Variants in SNTG1 observed in about 807,000 individuals in gnomAD.
The protein encoded by SNTG1 is syntrophin gamma 1, also known as gamma-1-syntrophin.
SNTG1 carries 39 observed loss-of-function variants against 74.7 expected under a neutral mutation model. That is an observed-to-expected ratio of 0.52 (90% confidence interval 0.40 to 0.68). The LOEUF (loss-of-function observed/expected upper bound fraction) is 0.68, where lower values mean the gene tolerates loss of function less well. Among genes scored for constraint, SNTG1 ranks in the 30% least tolerant of loss-of-function variants. SNTG1 has a pLI of 0.00. For missense variants in SNTG1, 685 were observed against 609.5 expected (o/e 1.12, Z -1.30); for synonymous variants, 254 against 217.1 (o/e 1.17, Z -1.49).
intron 2 of SNTG1, among the ~76,000 whole-genome samples, chr8:50,186,310 T>C (rs573205747): frequency 6.0e-4 from 91 of 152,298 alleles, no homozygotes; most frequent in African/African-American, 1.9e-3. Context: ...GCAGTAAATA[T>C]ATGTGTGCAT....
At chr8:50,571,744 A>G (rs1161595780) in intron 12 of SNTG1, among the ~76,000 whole-genome samples, 1 of 152,226 alleles carries the variant, frequency 6.6e-6, no homozygotes, top group Non-Finnish European at 1.5e-5. Context: ...AGTACTGAAT[A>G]TTCCCTAGGT....
chr8:50,403,509 C>T (rs1264718358), intron 4 of SNTG1, among the ~76,000 whole-genome samples: 1 of 152,108 alleles, frequency 6.6e-6, no homozygotes, highest in East Asian at 1.9e-4. Context: ...ATATAACCCT[C>T]TAGAATAAAT....
intron 18 of SNTG1, among the ~76,000 whole-genome samples, chr8:50,765,459 G>T (rs1009368485): frequency 1.3e-5 from 2 of 151,798 alleles, no homozygotes; most frequent in Non-Finnish European, 2.9e-5. Context: ...GTGTTGTGAG[G>T]GTCCTGGGGT....
intron 13 of SNTG1, among the ~76,000 whole-genome samples, chr8:50,640,081 A>G (rs183709069): frequency 1.3e-5 from 2 of 152,318 alleles, no homozygotes; most frequent in East Asian, 3.9e-4. Flanking sequence ...GCATTGCAAA[A>G]GAAAACTTAA....
chr8:50,064,969 C>T (rs1820783830), intron 1 of SNTG1, among the ~76,000 whole-genome samples: 1 of 152,092 alleles, frequency 6.6e-6, no homozygotes. Flanking sequence ...AATATGGATT[C>T]CCTTGTAATG....
chr8:50,008,490 A>AT (rs1171806007), intron 1 of SNTG1, among the ~76,000 whole-genome samples: 2 of 152,230 alleles, frequency 1.3e-5, no homozygotes, highest in African/African-American at 2.4e-5. Context: ...TATTACGGAG[A>AT]TTTTTTTAAT....
At chr8:50,321,342 G>A (rs1453456516) in intron 2 of SNTG1, among the ~76,000 whole-genome samples, 1 of 151,916 alleles carries the variant, frequency 6.6e-6, no homozygotes, top group African/African-American at 2.4e-5. Context: ...TGATATAAGT[G>A]TAGCAACTCC....
chr8:50,646,486 A>C (rs1162769082), intron 13 of SNTG1, among the ~76,000 whole-genome samples: 29 of 152,188 alleles, frequency 1.9e-4, no homozygotes, highest in Non-Finnish European at 1.5e-5. Flanking sequence ...ATTTACAGAT[A>C]AATTTGTGGG....
chr8:49,969,101 A>G (rs1238540843), intron 1 of SNTG1, among the ~76,000 whole-genome samples: 1 of 152,232 alleles, frequency 6.6e-6, no homozygotes, highest in Admixed American at 6.5e-5. Flanking sequence ...GTGACAGCAA[A>G]GTAACTAATG....
intron 17 of SNTG1, among the ~76,000 whole-genome samples, chr8:50,710,741 T>C (rs1474604996): frequency 6.6e-6 from 1 of 152,186 alleles, no homozygotes; most frequent in Non-Finnish European, 1.5e-5. Flanking sequence ...CTACTTCTGC[T>C]GGGTGTTCTG....
chr8:50,578,223 T>A (rs1365002013), intron 12 of SNTG1, among the ~76,000 whole-genome samples: 1 of 152,196 alleles, frequency 6.6e-6, no homozygotes. Context: ...CACCAGACAT[T>A]CTTTCTGAGT....
rs150778908 is a variant in SNTG1 at position 50,001,582 on chromosome 8, G to C, written c.-103+89351G>C. On this transcript the variant is annotated intron_variant, in intron 1 of 18. Transcript: ENST00000642720. ...ACTGTGGAGGCACCAACAACTTTCA[G>C]AGTTTCGTGGATTTTCAACTCCTCT... Among the ~76,000 whole-genome samples the C allele has an allele frequency of 8.9e-3, 1,348 of 152,272 alleles. 6 individuals carry two copies. Among genetic ancestry groups the C allele is most frequent in the South Asian group, 0.023 (113 of 4,828 alleles).
chr8:49,928,352 TC>T lies in SNTG1; in HGVS notation c.-103+16124del, dbSNP rs1351684164. Among the ~76,000 whole-genome samples, 4 of 151,624 alleles carry T rather than the reference TC, an allele frequency of 2.6e-5. No individual in the cohort carries two copies. The East Asian group carries it at 7.9e-4, about 30-fold the overall frequency. ...TTCAAGCGATTCTCCAGCCTCAGCC[TC>T]CCAGGTAGCTGGAACTACAGGCACT... On this transcript the variant is annotated intron_variant, in intron 1 of 18. Coordinates refer to ENST00000642720, the MANE Select transcript of SNTG1 (RefSeq NM_018967.5).
chr8:50,515,386 AGTTTTTTT>A (rs2094122849), intron 9 of SNTG1, among the ~76,000 whole-genome samples: 1 of 99,220 alleles, frequency 1.0e-5, no homozygotes, highest in African/African-American at 3.7e-5. Flanking sequence ...TAGCTGCAGG[AGTTTTTTT>A]TTTTTTTTTT....
intron 18 of SNTG1, among the ~76,000 whole-genome samples, chr8:50,789,879 T>C (rs2095686216): frequency 6.6e-6 from 1 of 152,042 alleles, no homozygotes; most frequent in Non-Finnish European, 1.5e-5. Context: ...TGCAAAGTGT[T>C]TTCTTTGATC....
At chr8:50,619,574 A>G (rs914811980) in intron 13 of SNTG1, among the ~76,000 whole-genome samples, 15 of 151,906 alleles carry the variant, frequency 9.9e-5, no homozygotes, top group Non-Finnish European at 1.2e-4. Context: ...TACTAAAAGT[A>G]TAAAAAATTA....
At chr8:50,705,198 A>T (rs1021003718) in intron 16 of SNTG1, among the ~76,000 whole-genome samples, 2 of 152,186 alleles carry the variant, frequency 1.3e-5, no homozygotes, top group African/African-American at 4.8e-5. Context: ...CAAAGGTCAT[A>T]TCATCCAGGA....
chr8:50,762,936 A>G (rs976008045), intron 18 of SNTG1: 9 of 282,592 alleles, frequency 3.2e-5, no homozygotes, highest in Admixed American at 1.3e-4. Flanking sequence ...AAAATCCACT[A>G]TGAGAATCTG....
intron 8 of SNTG1, chr8:50,491,504 G>T (rs11995090): frequency 6.6e-6 from 1 of 152,186 alleles, no homozygotes; most frequent in Non-Finnish European, 1.5e-5. Flanking sequence ...TGAGCCAGCC[G>T]CCGGACAACA....
Sources: allele counts gnomAD v4.1 joint callset (sites outside exome capture counted in the v4.1 genomes callset), GRCh38; gene constraint gnomAD v4.1.1; transcripts MANE v1.5; gene names NCBI Gene and HGNC (gene_info 2026-07-23, HGNC 2026-07-21).